The following SLC44A5 variants were observed in gnomAD, a reference collection of about 807,000 sequenced individuals.
The protein encoded by SLC44A5 is choline transporter-like protein 5.
SLC44A5 carries 57 observed loss-of-function variants against 101.8 expected under a neutral mutation model. The ratio of observed to expected loss-of-function variants is 0.56; its 90% CI spans 0.45 to 0.70. The LOEUF is 0.70. Ranked by LOEUF, SLC44A5 falls within the 30% of genes least tolerant of loss-of-function variation. The pLI, the probability that SLC44A5 is intolerant of heterozygous loss-of-function variation, is 0.00. For synonymous variants in SLC44A5, 281 were observed against 290.9 expected, an observed-to-expected ratio of 0.97 and a Z score of 0.35; for missense variants, 737 against 853.1, an observed-to-expected ratio of 0.86 and a Z score of 1.70.
At chr1:75,277,006 C>A (rs1651978390) in intron 5 of SLC44A5, among the ~76,000 whole-genome samples, 1 of 152,164 alleles carries the variant, frequency 6.6e-6, no homozygotes. Context: ...CTATTGTTTT[C>A]TTTCCCTCTT....
intron 2 of SLC44A5, among the ~76,000 whole-genome samples, chr1:75,533,331 C>G (rs1310253523): frequency 6.6e-6 from 1 of 152,080 alleles, no homozygotes; most frequent in Non-Finnish European, 1.5e-5. Context: ...ATTGGAGGAA[C>G]GAGGCCCCAA....
At chr1:75,384,236 G>A (rs1421525053) in intron 3 of SLC44A5, among the ~76,000 whole-genome samples, 1 of 152,140 alleles carries the variant, frequency 6.6e-6, no homozygotes, top group Non-Finnish European at 1.5e-5. Flanking sequence ...TGGACTAAAT[G>A]CTCCAATGGA....
At chr1:75,319,962 T>C (rs1161654339) in intron 4 of SLC44A5, among the ~76,000 whole-genome samples, 1 of 152,142 alleles carries the variant, frequency 6.6e-6, no homozygotes, top group Non-Finnish European at 1.5e-5. Flanking sequence ...AATTGGAAAA[T>C]CTGTTCTCTA....
chr1:75,669,537 T>C, the SLC44A5 span, among the ~76,000 whole-genome samples: 8 of 152,220 alleles, frequency 5.3e-5, no homozygotes, highest in African/African-American at 1.9e-4. Context: ...AGGAGGTGGG[T>C]AGCCGAGATT....
chr1:75,651,331 T>C, the SLC44A5 span, among the ~76,000 whole-genome samples: 1 of 152,184 alleles, frequency 6.6e-6, no homozygotes, highest in Non-Finnish European at 1.5e-5. Context: ...GCCTTGTTTA[T>C]ACCCTACAGC....
chr1:75,237,148 A>T (rs1648163989), intron 10 of SLC44A5, 78 bp from the exon 11 acceptor site: 3 of 845,442 alleles, frequency 3.5e-6, no homozygotes, highest in African/African-American at 1.7e-5. Context: ...GATAAAAGGG[A>T]TTCTGCAAGG....
chr1:75,412,569 T>C (rs1170663500), intron 2 of SLC44A5, among the ~76,000 whole-genome samples: 4 of 152,156 alleles, frequency 2.6e-5, no homozygotes, highest in African/African-American at 9.6e-5. Context: ...GGAGGTGTAT[T>C]TCCAAAATTT....
chr1:75,435,915 C>T (rs74089245), intron 2 of SLC44A5, among the ~76,000 whole-genome samples: 14,953 of 151,884 alleles, frequency 0.098, 904 homozygotes, highest in Admixed American at 0.19. Context: ...AAAACTACTA[C>T]AACCTGATCT....
chr1:75,660,900 A>G, the SLC44A5 span, among the ~76,000 whole-genome samples: 1 of 151,900 alleles, frequency 6.6e-6, no homozygotes, highest in Non-Finnish European at 1.5e-5. Context: ...TAAAATGTCC[A>G]TACTTTGTAG....
intron 4 of SLC44A5, among the ~76,000 whole-genome samples, chr1:75,302,432 TC>T (rs1557640816): frequency 6.6e-6 from 1 of 152,074 alleles, no homozygotes; most frequent in African/African-American, 2.4e-5. Context: ...TGGCCTGCCA[TC>T]CCGTCCTTAT....
chr1:75,253,659 A>G (rs890904909), intron 6 of SLC44A5, among the ~76,000 whole-genome samples: 2 of 152,210 alleles, frequency 1.3e-5, no homozygotes, highest in Non-Finnish European at 2.9e-5. Context: ...CATATCTTGG[A>G]TCACTGGGGT....
intron 2 of SLC44A5, among the ~76,000 whole-genome samples, chr1:75,481,091 G>T (rs1201535299): frequency 6.6e-6 from 1 of 152,056 alleles, no homozygotes; most frequent in African/African-American, 2.4e-5. Flanking sequence ...GCCCTCAGAA[G>T]TAACGCCACA....
At chr1:75,643,834 C>G in the SLC44A5 span, among the ~76,000 whole-genome samples, 1 of 152,228 alleles carries the variant, frequency 6.6e-6, no homozygotes, top group Non-Finnish European at 1.5e-5. Flanking sequence ...TTATAAATTA[C>G]CCAGTCTTAG....
chr1:75,700,186 G>A, the SLC44A5 span, among the ~76,000 whole-genome samples: 232 of 152,048 alleles, frequency 1.5e-3, 2 homozygotes, highest in African/African-American at 4.9e-3. Context: ...TCTCCACCCC[G>A]AATCAACAGA....
intron 7 of SLC44A5, among the ~76,000 whole-genome samples, chr1:75,247,568 G>A (rs917601336): frequency 2.0e-5 from 3 of 152,048 alleles, no homozygotes; most frequent in African/African-American, 7.2e-5. Context: ...TACAGACTTA[G>A]AAAAGGACCA....
the SLC44A5 span, among the ~76,000 whole-genome samples, chr1:75,700,142 T>C: frequency 6.6e-6 from 1 of 152,138 alleles, no homozygotes. Flanking sequence ...AACTCAGCTC[T>C]GCACCAAGCA....
At chr1:75,312,648 C>A (rs1003182035) in intron 4 of SLC44A5, among the ~76,000 whole-genome samples, 5 of 150,882 alleles carry the variant, frequency 3.3e-5, no homozygotes, top group Non-Finnish European at 7.4e-5. Context: ...AAACAAATTT[C>A]TATTCTATTA....
chr1:75,374,704 C>T (rs1260202239), intron 3 of SLC44A5, among the ~76,000 whole-genome samples: 1 of 152,148 alleles, frequency 6.6e-6, no homozygotes, highest in Non-Finnish European at 1.5e-5. Flanking sequence ...AAATACATCC[C>T]TTCAGCGCTC....
At chr1:75,641,873 T>C in the SLC44A5 span, 7 of 1,540,408 alleles carry the variant, frequency 4.5e-6, no homozygotes, top group Non-Finnish European at 6.3e-6. Flanking sequence ...TACTGTGATA[T>C]ATTTAAATAA....
Sources: gnomAD v4.1 joint callset for allele counts (sites outside exome capture counted in the v4.1 genomes callset) on GRCh38, gnomAD v4.1.1 for gene constraint, MANE v1.5 for transcripts, NCBI Gene and HGNC (gene_info 2026-07-23, HGNC 2026-07-21) for gene names.